TMEM53: variants seen among roughly 807,000 people sequenced by gnomAD.
The protein encoded by TMEM53 is novel DUF829 domain-containing protein.
In TMEM53, 14 loss-of-function variants were observed where a neutral mutation model predicts 21.4. The ratio of observed to expected loss-of-function variants is 0.65; its 90% CI spans 0.43 to 1.02. TMEM53 has a LOEUF of 1.02. Ranked by LOEUF, TMEM53 falls within the 50% of genes least tolerant of loss-of-function variation. TMEM53 has a pLI of 0.00. For synonymous variants in TMEM53, 148 were observed against 157.4 expected (o/e 0.94, Z 0.45); for missense variants, 323 against 383.6 (o/e 0.84, Z 1.32).
chr1:44,670,169 T>TAAAAAAAAA lies in TMEM53; in HGVS notation c.61+4153_61+4161dup, dbSNP rs780360806. Among the ~76,000 whole-genome samples the TAAAAAAAAA allele has an allele frequency of 9.3e-4, 97 of 103,772 alleles. 1 individual carries two copies. The highest frequency in any genetic ancestry group is 6.6e-3 in the East Asian group (25 of 3,766). 68.1% of individuals were successfully genotyped at this position (103,772 alleles called of 152,430 possible). The stretch of plus-strand genomic sequence containing the variant: ...AAAAATAAATACAACTCCTCTGTAT[T>TAAAAAAAAA]AAAAAAAAAAAAAAAGACCTTTGGG... On this transcript the variant is annotated intron_variant, in intron 1 of 2. Transcript: ENST00000372237.
chr1:44,662,577 G>T (rs1644911632), intron 1 of TMEM53, among the ~76,000 whole-genome samples: 2 of 152,050 alleles, frequency 1.3e-5, no homozygotes, highest in South Asian at 4.2e-4. Context: ...GCTACCGTTT[G>T]AACCTGCTTT....
chr1:44,665,599 C>T (rs1280938020), intron 1 of TMEM53, among the ~76,000 whole-genome samples: 1 of 149,452 alleles, frequency 6.7e-6, no homozygotes, highest in Non-Finnish European at 1.5e-5. Flanking sequence ...TGCACCATTG[C>T]ACTCCAGCCA....
At chr1:44,674,232 AG>A in intron 1 of TMEM53, 98 bp downstream of exon 1, 2 of 1,480,796 alleles carry the variant, frequency 1.4e-6, no homozygotes, top group Admixed American at 2.4e-5. Flanking sequence ...GGCCCGAGGG[AG>A]GGCGGGGCCG....
chr1:44,669,312 A>T (rs1418070627), intron 1 of TMEM53, among the ~76,000 whole-genome samples: 2 of 152,198 alleles, frequency 1.3e-5, no homozygotes, highest in Non-Finnish European at 2.9e-5. Flanking sequence ...TTCATAATTT[A>T]TGGTGACCAA....
intron 1 of TMEM53, among the ~76,000 whole-genome samples, chr1:44,667,381 C>T (rs1033496203): frequency 6.7e-6 from 1 of 150,168 alleles, no homozygotes; most frequent in African/African-American, 2.5e-5. Context: ...AATCTCGGCT[C>T]ACTACAACCT....
rs774934353 is a variant in TMEM53 at position 44,654,845 on chromosome 1, A to G, written c.548T>C (p.Leu183Pro). The change falls in exon 3 of 3, where the codon CTG becomes CCG. Residue 183 changes from leucine to proline, a missense_variant. This residue lies in a region of TMEM53 where 269 missense variants were observed against 334.5 expected (regional missense o/e 0.80). Transcript: ENST00000372237. This position sits in a 1 kb window ranked among gnomAD's most constrained non-coding sequence, Gnocchi z 7.0. Reference sequence around the variant, plus strand: ...GATGGGAGCAAGCAGGACGTGGAACAGGACGACCACCAGGGCAAAGGCCAC... The same window carrying G: ...GATGGGAGCAAGCAGGACGTGGAACGGGACGACCACCAGGGCAAAGGCCAC... ...LLVAFALVVV[L>P]FHVLLAPITA... The G allele has an allele frequency of 6.2e-7, 1 of 1,613,154 alleles. No homozygotes were observed.
intron 1 of TMEM53, among the ~76,000 whole-genome samples, chr1:44,660,948 GGGCAACAGAGTGAGA>G (rs1161470109): frequency 6.6e-6 from 1 of 150,980 alleles, no homozygotes; most frequent in Non-Finnish European, 1.5e-5. Flanking sequence ...ACTCCAGCCT[GGGCAACAGAGTGAGA>G]CTCTGTCTCA....
intron 1 of TMEM53, among the ~76,000 whole-genome samples, chr1:44,663,008 G>C (rs530342167): frequency 1.3e-5 from 2 of 152,192 alleles, no homozygotes; most frequent in East Asian, 3.9e-4. Context: ...GCACCCTGGA[G>C]AGACTGCCTA....
Position 44,653,505 on chromosome 1 carries a change from C to CA in TMEM53, c.*1053dup. 1 of 152,412 alleles carries CA rather than the reference C, an allele frequency of 6.6e-6. No homozygotes were observed. The highest frequency in any genetic ancestry group is 3.4e-3 in the Middle Eastern group (1 of 294). 9.4% of individuals were successfully genotyped at this position (152,412 alleles called of 1,614,324 possible). A position where few individuals can be genotyped will look rare whatever the true frequency, so the allele number is the denominator to read the frequency against. On this transcript the variant is annotated 3_prime_UTR_variant, in exon 3 of 3. Transcript: ENST00000372237. ...ACAATGCTGCTGCCTTCCTGCCCCCCACTGTCTCTGGCAACTTTCAGCTTG... is the reference window on the plus strand; with the variant it reads ...ACAATGCTGCTGCCTTCCTGCCCCCCAACTGTCTCTGGCAACTTTCAGCTTG...
intron 2 of TMEM53, among the ~76,000 whole-genome samples, chr1:44,656,119 G>A (rs1458219676): frequency 6.6e-6 from 1 of 152,028 alleles, no homozygotes; most frequent in South Asian, 2.1e-4. Context: ...ACTTTGGAGA[G>A]TGCTGGGGTC....
In TMEM53 at chr1:44,674,363, A is replaced by G. The variant is rs765640919; in HGVS notation, c.29T>C (p.Ile10Thr). The G allele has an allele frequency of 6.2e-7, 1 of 1,612,804 alleles. No individual in the cohort carries two copies. Among genetic ancestry groups the G allele is most frequent in the Admixed American group, 1.7e-5 (1 of 59,874 alleles). Reference protein sequence around the residue: MASAELDYTIEIPDQPCWSQ... With the variant: MASAELDYTTEIPDQPCWSQ... The stretch of plus-strand genomic sequence containing the variant: ...CCAGCAGGGCTGATCCGGGATCTCG[A>G]TGGTGTAGTCCAGCTCTGCCGAGGC... The change falls in exon 1 of 3, where the codon ATC becomes ACC. Residue 10 changes from isoleucine to threonine, a missense_variant. This residue lies in a region of TMEM53 where 49 missense variants were observed against 32.9 expected (regional missense o/e 1.49). Transcript: ENST00000372237.
chr1:44,666,566 T>C (rs1335548299), intron 1 of TMEM53, among the ~76,000 whole-genome samples: 1 of 152,226 alleles, frequency 6.6e-6, no homozygotes, highest in African/African-American at 2.4e-5. Flanking sequence ...ATACACGTGA[T>C]AGCATGGATG....
chr1:44,666,324 T>C (rs1644948442), intron 1 of TMEM53, among the ~76,000 whole-genome samples: 1 of 152,160 alleles, frequency 6.6e-6, no homozygotes, highest in African/African-American at 2.4e-5. Flanking sequence ...TGGCAGATCC[T>C]CAAAAAAATT....
In TMEM53 at chr1:44,655,408, G is replaced by T. The variant is rs1400278103; in HGVS notation, c.184-199C>A. On this transcript the variant is annotated intron_variant, in intron 2 of 2. Transcript: ENST00000372237. The surrounding 1 kb of genome is among the most constrained non-coding windows in gnomAD (Gnocchi z 4.4). The stretch of plus-strand genomic sequence containing the variant: ...CACAGGTGCCTTCTGGGCAGGGAAG[G>T]TATACTTAAGGCCCATTTTTGGACT... 6.6e-6 allele frequency among the ~76,000 whole-genome samples: 1 copy of T among 152,178 alleles called. No homozygotes were observed. The highest frequency in any genetic ancestry group is 2.4e-5 in the African/African-American group (1 of 41,430).
In TMEM53 at chr1:44,654,698, A is replaced by C. The variant is rs1353201230; in HGVS notation, c.695T>G (p.Val232Gly). The C allele has an allele frequency of 6.2e-7, 1 of 1,614,146 alleles. No individual in the cohort carries two copies. The highest frequency in any genetic ancestry group is 8.5e-7 in the Non-Finnish European group (1 of 1,180,020). Residue 232 changes from valine to glycine, a missense_variant, in exon 3 of 3, where the codon GTG (valine) becomes GGG (glycine). Coordinates refer to ENST00000372237, the MANE Select transcript of TMEM53 (RefSeq NM_024587.4). This position sits in a 1 kb window ranked among gnomAD's most constrained non-coding sequence, Gnocchi z 7.0. Reference sequence around the variant, plus strand: ...GACCCGGCGTGCCAGGCGTGCCTCCACCATGCGTTCTATGTCTCTGGCCAG... The same window carrying C: ...GACCCGGCGTGCCAGGCGTGCCTCCCCCATGCGTTCTATGTCTCTGGCCAG... ...VVLARDIERM[V>G]EARLARRVLA... is the part of the protein sequence containing the mutation.
At chr1:44,668,208 C>T (rs761795258) in intron 1 of TMEM53, among the ~76,000 whole-genome samples, 1 of 152,006 alleles carries the variant, frequency 6.6e-6, no homozygotes. Flanking sequence ...TTTGGGAGGC[C>T]GAGGTGGGCG....
chr1:44,662,001 A>T (rs1056193375), intron 1 of TMEM53, among the ~76,000 whole-genome samples: 1 of 152,260 alleles, frequency 6.6e-6, no homozygotes, highest in African/African-American at 2.4e-5. Flanking sequence ...CCTTCCAAGG[A>T]CCAAGCCACT....
chr1:44,666,163 A>T (rs1304885075), intron 1 of TMEM53, among the ~76,000 whole-genome samples: 1 of 152,236 alleles, frequency 6.6e-6, no homozygotes, highest in Non-Finnish European at 1.5e-5. Context: ...GGGAAATCAA[A>T]ATCAAAGCCA....
chr1:44,674,299 C>T, intron 1 of TMEM53, 32 bp downstream of exon 1: 1 of 1,593,224 alleles, frequency 6.3e-7, no homozygotes, highest in Non-Finnish European at 8.5e-7. Context: ...GAGGTCACCT[C>T]CCCGCGCCTG....
Sources: allele counts gnomAD v4.1 joint callset (sites outside exome capture counted in the v4.1 genomes callset), GRCh38; gene constraint gnomAD v4.1.1; regional missense constraint gnomAD v4.1.1; non-coding constraint Gnocchi (gnomAD v3.1); transcripts MANE v1.5; gene names NCBI Gene and HGNC (gene_info 2026-07-23, HGNC 2026-07-21).